The following STAB1 variants were observed in gnomAD, a reference collection of about 807,000 sequenced individuals.
STAB1 encodes stabilin-1.
Under a neutral mutation model 332.4 loss-of-function variants are expected in STAB1, and 250 were observed. The observed-to-expected ratio is 0.75, with a 90% confidence interval of 0.68 to 0.84. The LOEUF (loss-of-function observed/expected upper bound fraction) is 0.84, where lower values mean the gene tolerates loss of function less well. STAB1 is among the 40% of genes least tolerant of loss of function. The pLI, the probability that STAB1 is intolerant of heterozygous loss-of-function variation, is 0.00. For missense variants in STAB1, 3,249 were observed against 3,489.7 expected (o/e 0.93, Z 1.74); for synonymous variants, 1,475 against 1,390.4 (o/e 1.06, Z -1.35).
Position 52,505,651 on chromosome 3 carries a change from C to T in STAB1, c.1582-17C>T, listed in dbSNP as rs1708798520. 1.2e-6 allele frequency: 2 copies of T among 1,612,314 alleles called. No homozygotes were observed. The highest frequency in any genetic ancestry group is 2.7e-5 in the African/African-American group (2 of 75,032). ...GCTGGCCATGCAACCCCCTGAGCCT[C>T]CCTTGCACCACCACAGAACTGTGGG... On this transcript the variant is annotated splice_polypyrimidine_tract_variant and intron_variant, in intron 14 of 68. Coordinates refer to ENST00000321725, the MANE Select transcript of STAB1 (RefSeq NM_015136.3).
intron 1 of STAB1, among the ~76,000 whole-genome samples, chr3:52,496,771 C>T (rs17052201): frequency 0.11 from 16,935 of 152,184 alleles, 1,237 homozygotes; most frequent in East Asian, 0.26. Context: ...GCCTCAGATT[C>T]GAGTTTTTTC....
intron 60 of STAB1, 40 bp from the exon 61 acceptor site, chr3:52,522,515 C>T (rs376456498): frequency 6.2e-7 from 1 of 1,613,032 alleles, no homozygotes; most frequent in Non-Finnish European, 8.5e-7. Flanking sequence ...TTTCATTCCT[C>T]AGAGCCGGCC....
chr3:52,505,301 A>C lies in STAB1; in HGVS notation c.1519-18A>C. ...CTCACCCCTTCCCTGGGGCCCTCAC[A>C]CTCATCCCTCCTTACAGAGAACTAT... On this transcript the variant is annotated intron_variant, in intron 13 of 68. Coordinates refer to ENST00000321725, the MANE Select transcript of STAB1 (RefSeq NM_015136.3). The C allele has an allele frequency of 6.2e-7, 1 of 1,613,070 alleles. No homozygotes were observed. The highest frequency in any genetic ancestry group is 8.5e-7 in the Non-Finnish European group (1 of 1,179,694).
chr3:52,497,441 C>A (rs1030890880), intron 1 of STAB1, among the ~76,000 whole-genome samples: 13 of 103,480 alleles, frequency 1.3e-4, no homozygotes, highest in Admixed American at 6.0e-4. Flanking sequence ...GAGATGGTGT[C>A]TCTCTCTGTT....
intron 16 of STAB1, 61 bp downstream of exon 16, chr3:52,505,997 T>C (rs530391451): frequency 3.1e-6 from 5 of 1,600,632 alleles, no homozygotes; most frequent in Non-Finnish European, 4.3e-6. Context: ...CTGCAGGTTC[T>C]GGACTTCCCC....
At position 52,518,540 on chromosome 3, in the gene STAB1, A is replaced by G. The variant is rs1374045366; in HGVS notation, c.4814A>G (p.Tyr1605Cys). The G allele has an allele frequency of 1.9e-6, 3 of 1,587,860 alleles. No homozygotes were observed. The Admixed American group carries it at 5.4e-5, about 28-fold the overall frequency. Residue 1605 changes from tyrosine to cysteine, a missense_variant, in exon 47 of 69, where the codon TAT becomes TGT. Physicochemically the swap from Tyr to Cys is radical, Grantham distance 194. Transcript: ENST00000321725. ...TGCTGTTGCTGCCTCCCGCAGGAAT[A>G]TAAGGAGCTCAAGGGCGATGGGCCT... is the stretch of plus-strand genomic sequence containing the variant. ...ASFFSLRLLE[Y>C]KELKGDGPFT...
intron 48 of STAB1, 37 bp downstream of exon 48, chr3:52,518,906 C>CCCCGCCCCGCCCAGT: frequency 7.0e-7 from 1 of 1,438,326 alleles, no homozygotes; most frequent in South Asian, 1.3e-5. Flanking sequence ...CTCCATCCCG[C>CCCCGCCCCGCCCAGT]CCCGCCCCGC....
chr3:52,523,067 T>A lies in STAB1; in HGVS notation c.6953T>A (p.Ile2318Asn). 1 of 1,571,054 alleles carries A rather than the reference T, an allele frequency of 6.4e-7. No homozygotes were observed. The highest frequency in any genetic ancestry group is 8.6e-7 in the Non-Finnish European group (1 of 1,156,372). Residue 2318 changes from isoleucine (I) to asparagine (N), a missense_variant, in exon 63 of 69, where the codon ATC becomes AAC. By Grantham distance (149) the Ile-to-Asn change is moderately radical. Coordinates refer to ENST00000321725, the MANE Select transcript of STAB1 (RefSeq NM_015136.3). The part of the protein sequence containing the change: ...RCRNGFVGDG[I>N]STCNGKLLDV... ...CGAAATGGCTTCGTGGGTGACGGGA[T>A]CAGCACGTGCAATGGGAAGCTGCTG... is the stretch of plus-strand genomic sequence containing the variant.
rs554488965 is a variant in STAB1, at chr3:52,524,002, C to G, written c.7527C>G (p.Gly2509=). The change falls in exon 67 of 69, where the codon GGC becomes GGG. Residue 2509 remains glycine (G), a synonymous_variant. Transcript: ENST00000321725. ...CCCGAGGCAAGCCCATGGGCTTTGGCTTCTCTGCCTTCCAGGTAGGGCTGG... is the reference window on the plus strand; with the variant it reads ...CCCGAGGCAAGCCCATGGGCTTTGGGTTCTCTGCCTTCCAGGTAGGGCTGG... ...LRARGKPMGF[G]FSAFQAEDDA... is the part of the protein sequence containing the mutation. 7 of 1,612,156 alleles carry G rather than the reference C, an allele frequency of 4.3e-6. No individual in the cohort carries two copies. In the East Asian group the frequency reaches 6.7e-5, roughly 15 times the overall value.
Position 52,512,585 on chromosome 3 carries a change from C to T in STAB1, c.2980-11C>T, listed in dbSNP as rs1559696411. Reference sequence around the variant, plus strand: ...CTGGTCCTGTGACCTCAGACTTTTCCCTTCCCTTAGGAGCTGGAGGCAAAT... The same window carrying T: ...CTGGTCCTGTGACCTCAGACTTTTCTCTTCCCTTAGGAGCTGGAGGCAAAT... On this transcript the variant is annotated splice_polypyrimidine_tract_variant and intron_variant, in intron 27 of 68. Transcript: ENST00000321725. The T allele has an allele frequency of 6.8e-6, 11 of 1,613,916 alleles. No homozygotes were observed. Among genetic ancestry groups the T allele is most frequent in the Non-Finnish European group, 9.3e-6 (11 of 1,180,008 alleles).
chr3:52,509,793 C>T (rs1016976344), intron 22 of STAB1, 77 bp from the exon 23 acceptor site: 2 of 1,546,256 alleles, frequency 1.3e-6, no homozygotes, highest in African/African-American at 1.4e-5. Flanking sequence ...CTCCCTATAT[C>T]CCCCAAACCC....
In STAB1 at chr3:52,508,366, C is replaced by A; in HGVS notation, c.2235+7C>A. On this transcript the variant is annotated splice_region_variant and intron_variant, in intron 21 of 68. Transcript: ENST00000321725. ...CTGCTATGGCAAAGGCAATGTGAGTCCCATCCTCTCCTGGGGTGAGGTATG... is the reference window on the plus strand; with the variant it reads ...CTGCTATGGCAAAGGCAATGTGAGTACCATCCTCTCCTGGGGTGAGGTATG... 1 of 1,613,344 alleles carries A rather than the reference C, an allele frequency of 6.2e-7. No homozygotes were observed. Among genetic ancestry groups the A allele is most frequent in the Non-Finnish European group, 8.5e-7 (1 of 1,179,886 alleles).
rs1357241253 is a variant in STAB1, at chr3:52,523,410, C to G, written c.7141-17C>G. On this transcript the variant is annotated splice_polypyrimidine_tract_variant and intron_variant, in intron 64 of 68. Coordinates refer to ENST00000321725, the MANE Select transcript of STAB1 (RefSeq NM_015136.3). ...TCTCCATCTGGCCCAGGCCAACAGG[C>G]CTTGCTCTGCTCACAGACGCTGAGT... The G allele has an allele frequency of 6.2e-7, 1 of 1,609,272 alleles. No homozygotes were observed. Among genetic ancestry groups the G allele is most frequent in the East Asian group, 2.2e-5 (1 of 44,854 alleles).
At position 52,505,365 on chromosome 3, in the gene STAB1, T is replaced by C; in HGVS notation, c.1565T>C (p.Phe522Ser). ...GCCTCTACCGAGGCCTTCAGCCGCT[T>C]TGAAACCATCCTGGAGGTAAGCTCG... ...ILASTEAFSR[F>S]ETILENCGLP... Residue 522 changes from phenylalanine to serine, a missense_variant, in exon 14 of 69, where the codon TTT (phenylalanine) becomes TCT (serine). Phe to Ser is a radical substitution (Grantham distance 155). Coordinates refer to ENST00000321725, the MANE Select transcript of STAB1 (RefSeq NM_015136.3). 1 of 1,613,688 alleles carries C rather than the reference T, an allele frequency of 6.2e-7. No homozygotes were observed. The highest frequency in any genetic ancestry group is 8.5e-7 in the Non-Finnish European group (1 of 1,179,926).
At chr3:52,505,541 C>G in intron 14 of STAB1, 127 bp from the exon 15 acceptor site, 1 of 1,180,684 alleles carries the variant, frequency 8.5e-7, no homozygotes, top group Non-Finnish European at 1.2e-6. Flanking sequence ...GTAGCATGGA[C>G]CCATTGCCCA....
At chr3:52,521,326 C>G (rs760217983) in intron 55 of STAB1, 35 bp from the exon 56 acceptor site, 5 of 1,612,772 alleles carry the variant, frequency 3.1e-6, no homozygotes, top group Non-Finnish European at 4.2e-6. Context: ...GTGAGAGCCC[C>G]TGGCCCCACC....
At chr3:52,497,314 A>G (rs1177305803) in intron 1 of STAB1, among the ~76,000 whole-genome samples, 1 of 151,184 alleles carries the variant, frequency 6.6e-6, no homozygotes, top group African/African-American at 2.4e-5. Flanking sequence ...TTCTATGTAC[A>G]TAGCATTTAC....
rs143005034 is a variant in STAB1, at chr3:52,505,353, C to T, written c.1553C>T (p.Ala518Val). The T allele has an allele frequency of 4.2e-5, 68 of 1,613,646 alleles. No individual in the cohort carries two copies. The African/African-American group carries it at 7.6e-4, about 18-fold the overall frequency. The change falls in exon 14 of 69, where the codon GCC (alanine) becomes GTC (valine). Residue 518 changes from alanine to valine, a missense_variant. By Grantham distance (64) the Ala-to-Val change is moderately conservative. Coordinates refer to ENST00000321725, the MANE Select transcript of STAB1 (RefSeq NM_015136.3). Reference protein sequence around the residue: ...TIGQILASTEAFSRFETILEN... With the variant: ...TIGQILASTEVFSRFETILEN... The stretch of plus-strand genomic sequence containing the variant: ...GGACAGATCCTCGCCTCTACCGAGG[C>T]CTTCAGCCGCTTTGAAACCATCCTG...
chr3:52,510,550 G>T (rs766780805), intron 25 of STAB1, 43 bp downstream of exon 25: 3 of 1,588,626 alleles, frequency 1.9e-6, no homozygotes, highest in Non-Finnish European at 1.7e-6. Context: ...GGTTCTGGGG[G>T]ACTCTCTCCC....
Sources: gnomAD v4.1 joint callset for allele counts (sites outside exome capture counted in the v4.1 genomes callset) on GRCh38, gnomAD v4.1.1 for gene constraint, MANE v1.5 for transcripts, NCBI Gene and HGNC (gene_info 2026-07-23, HGNC 2026-07-21) for gene names.